ATOH8: variants seen among roughly 807,000 people sequenced by gnomAD.
ATOH8 encodes atonal bHLH transcription factor 8.
A neutral mutation model predicts 21.2 loss-of-function variants in ATOH8; 9 were observed. That is an observed-to-expected ratio of 0.42 (90% confidence interval 0.26 to 0.74). The LOEUF is 0.74. ATOH8 is among the 30% of genes least tolerant of loss of function. The probability of loss-of-function intolerance (pLI) is 0.24; values close to 1 mark genes in which losing one functional copy is unlikely to be tolerated. For missense variants in ATOH8, 524 were observed against 470.9 expected, an observed-to-expected ratio of 1.11 and a Z score of -1.04; for synonymous variants, 253 against 224.0, an observed-to-expected ratio of 1.13 and a Z score of -1.16.
intron 2 of ATOH8, among the ~76,000 whole-genome samples, chr2:85,781,835 A>T (rs1204903845): frequency 6.6e-6 from 1 of 152,128 alleles, no homozygotes; most frequent in Non-Finnish European, 1.5e-5. Context: ...CCTTGTTTGC[A>T]CCACTGCATT....
intron 2 of ATOH8, chr2:85,781,314 C>G (rs1373477925): frequency 2.4e-5 from 4 of 166,876 alleles, no homozygotes; most frequent in Non-Finnish European, 1.3e-5. Context: ...TTTTTTGAGG[C>G]AGAGCACTTT....
rs1427321725 is a variant in ATOH8 at position 85,763,976 on chromosome 2, G to A, written c.769-15G>A. 9.3e-6 allele frequency: 15 copies of A among 1,610,826 alleles called. No homozygotes were observed. The highest frequency in any genetic ancestry group is 1.3e-5 in the African/African-American group (1 of 74,784). ...CTGCGCCCCTGCAGCCCCTCCTGAC[G>A]CCTTCTCCCCTCAGGTGCCGTGCTA... On this transcript the variant is annotated splice_polypyrimidine_tract_variant and intron_variant, in intron 1 of 2. Transcript: ENST00000306279.
In ATOH8 at chr2:85,787,101, C is replaced by A. The variant is rs1421096959; in HGVS notation, c.*211C>A. The stretch of plus-strand genomic sequence containing the variant: ...CAATCCGAGGCTGCTTCGCACTTTG[C>A]CCTCTGCCTGGTGGGGAGGGGAGAG... On this transcript the variant is annotated 3_prime_UTR_variant, in exon 3 of 3. Coordinates refer to ENST00000306279, the MANE Select transcript of ATOH8 (RefSeq NM_032827.7). 3.3e-6 allele frequency: 2 copies of A among 609,156 alleles called. No individual in the cohort carries two copies. Among genetic ancestry groups the A allele is most frequent in the Non-Finnish European group, 5.7e-6 (2 of 350,086 alleles). 37.7% of individuals were successfully genotyped at this position (609,156 alleles called of 1,614,324 possible). A position where few individuals can be genotyped will look rare whatever the true frequency, so the allele number is the denominator to read the frequency against.
chr2:85,773,227 TA>T (rs1282955250), intron 2 of ATOH8: 1 of 184,372 alleles, frequency 5.4e-6, no homozygotes, highest in Non-Finnish European at 1.1e-5. Flanking sequence ...ATCACATTCA[TA>T]AATACGCCGG....
Position 85,754,911 on chromosome 2 carries a change from C to T in ATOH8, c.722C>T (p.Thr241Met). 1 of 1,608,974 alleles carries T rather than the reference C, an allele frequency of 6.2e-7. No homozygotes were observed. The highest frequency in any genetic ancestry group is 8.5e-7 in the Non-Finnish European group (1 of 1,179,652). The change falls in exon 1 of 3, where the codon ACG becomes ATG. Residue 241 changes from threonine (T) to methionine (M), a missense_variant. Transcript: ENST00000306279. ...RRLLANARER[T>M]RVHTISAAFE... ...CTCCTGGCGAACGCCAGGGAGCGGA[C>T]GCGGGTGCACACCATCAGCGCAGCC...
chr2:85,758,515 A>T (rs561130832), intron 1 of ATOH8, among the ~76,000 whole-genome samples: 1 of 152,172 alleles, frequency 6.6e-6, no homozygotes, highest in East Asian at 1.9e-4. Flanking sequence ...CAGGGCCCAG[A>T]CTCCTAACAG....
chr2:85,776,017 C>T (rs924038685), intron 2 of ATOH8, among the ~76,000 whole-genome samples: 1 of 152,242 alleles, frequency 6.6e-6, no homozygotes. Context: ...CCTGACTAGG[C>T]CCCCAGCGAC....
At chr2:85,756,671 T>C (rs1158007575) in intron 1 of ATOH8, among the ~76,000 whole-genome samples, 3 of 152,154 alleles carry the variant, frequency 2.0e-5, no homozygotes, top group African/African-American at 7.2e-5. Context: ...CCTGTCGAAA[T>C]TGGATTAACT....
intron 2 of ATOH8, among the ~76,000 whole-genome samples, chr2:85,781,523 G>A (rs980296564): frequency 1.3e-5 from 2 of 152,050 alleles, no homozygotes; most frequent in African/African-American, 4.8e-5. Context: ...CCAAGATCAC[G>A]CCACTGTACT....
At chr2:85,759,807 G>A (rs1368950769) in intron 1 of ATOH8, among the ~76,000 whole-genome samples, 1 of 152,050 alleles carries the variant, frequency 6.6e-6, no homozygotes, top group Non-Finnish European at 1.5e-5. Flanking sequence ...CTTCCAGGAG[G>A]GCGTCTTGGG....
At chr2:85,778,019 G>A (rs1221158312) in intron 2 of ATOH8, among the ~76,000 whole-genome samples, 1 of 152,242 alleles carries the variant, frequency 6.6e-6, no homozygotes, top group East Asian at 1.9e-4. Context: ...ACCCCACCCC[G>A]ATGGAGTCTC....
intron 2 of ATOH8, among the ~76,000 whole-genome samples, chr2:85,778,320 G>A (rs932650415): frequency 2.0e-4 from 30 of 152,246 alleles, no homozygotes; most frequent in Non-Finnish European, 1.2e-4. Flanking sequence ...GTGTGTGCGC[G>A]CGCGTGTGTG....
chr2:85,769,884 T>A (rs998228373), intron 2 of ATOH8, among the ~76,000 whole-genome samples: 2 of 152,166 alleles, frequency 1.3e-5, no homozygotes, highest in African/African-American at 4.8e-5. Context: ...CTACCTCCCA[T>A]GTACATTGTC....
intron 2 of ATOH8, among the ~76,000 whole-genome samples, chr2:85,776,651 A>G (rs1680330270): frequency 6.6e-6 from 1 of 152,182 alleles, no homozygotes; most frequent in Non-Finnish European, 1.5e-5. Flanking sequence ...TCCCATGCAC[A>G]TGGGAAGGAG....
chr2:85,761,268 G>A (rs1171249363), intron 1 of ATOH8, among the ~76,000 whole-genome samples: 5 of 152,180 alleles, frequency 3.3e-5, no homozygotes, highest in African/African-American at 1.2e-4. Flanking sequence ...GAGTGATCTG[G>A]GGCCCAATAT....
At chr2:85,755,087 C>CA in intron 1 of ATOH8, 130 bp downstream of exon 1, 1 of 1,276,580 alleles carries the variant, frequency 7.8e-7, no homozygotes, top group Non-Finnish European at 1.0e-6. Flanking sequence ...CCCTGGTGCC[C>CA]AGACAGGTGT....
chr2:85,765,971 T>A lies in ATOH8; in HGVS notation c.960+1789T>A, dbSNP rs77180234. ...CTGGGACTTTACCTGAGGCTACAGA[T>A]TGTGGTTAAGAGCATAGCACAGCCC... On this transcript the variant is annotated intron_variant, in intron 2 of 2. Coordinates refer to ENST00000306279, the MANE Select transcript of ATOH8 (RefSeq NM_032827.7). Among the ~76,000 whole-genome samples the A allele has an allele frequency of 9.7e-3, 1,476 of 152,232 alleles. 30 individuals carry two copies. The highest frequency in any genetic ancestry group is 0.034 in the African/African-American group (1,415 of 41,546).
chr2:85,775,036 G>A (rs1192518525), intron 2 of ATOH8: 1 of 984,442 alleles, frequency 1.0e-6, no homozygotes, highest in African/African-American at 1.7e-5. Flanking sequence ...AAAGTAATGA[G>A]TTAAAATGTT....
At chr2:85,781,161 C>A in intron 2 of ATOH8, 1 of 836,682 alleles carries the variant, frequency 1.2e-6, no homozygotes, top group Non-Finnish European at 1.4e-6. Flanking sequence ...TCGTAAAATA[C>A]TGTATGTGAG....
Sources: gnomAD v4.1 joint callset for allele counts (sites outside exome capture counted in the v4.1 genomes callset) on GRCh38, gnomAD v4.1.1 for gene constraint, MANE v1.5 for transcripts, NCBI Gene and HGNC (gene_info 2026-07-23, HGNC 2026-07-21) for gene names.